PARN: variants seen among roughly 807,000 people sequenced by gnomAD.
PARN encodes the protein poly(A)-specific ribonuclease PARN.
PARN carries 71 observed loss-of-function variants against 102.8 expected under a neutral mutation model. The observed-to-expected ratio is 0.69, with a 90% CI of 0.57 to 0.84. PARN has a LOEUF of 0.84. Among genes scored for constraint, PARN ranks in the 40% least tolerant of loss-of-function variants. The pLI is 0.00. For missense variants in PARN, 782 were observed against 760.9 expected, an observed-to-expected ratio of 1.03 and a Z score of -0.33; for synonymous variants, 261 against 252.9, an observed-to-expected ratio of 1.03 and a Z score of -0.30.
intron 21 of PARN, among the ~76,000 whole-genome samples, chr16:14,493,855 T>G (rs1356064992): frequency 6.6e-6 from 1 of 152,206 alleles, no homozygotes; most frequent in South Asian, 2.1e-4. Context: ...GCCTGGTGTT[T>G]TTCTTTTTCT....
Position 14,586,374 on chromosome 16 carries a change from A to G in PARN, c.919-13T>C. On this transcript the variant is annotated splice_polypyrimidine_tract_variant and intron_variant, in intron 13 of 23. Coordinates refer to ENST00000437198, the MANE Select transcript of PARN (RefSeq NM_002582.4). Reference sequence around the variant, plus strand: ...ACTCACTTAAGTCCTAAAGAACAAGAGAAGGACTTGTTACAATTTTCCTAA... The same window carrying G: ...ACTCACTTAAGTCCTAAAGAACAAGGGAAGGACTTGTTACAATTTTCCTAA... 6.7e-7 allele frequency: 1 copy of G among 1,488,766 alleles called. No individual in the cohort carries two copies. Among genetic ancestry groups the G allele is most frequent in the South Asian group, 1.2e-5 (1 of 82,840 alleles). 92.2% of individuals were successfully genotyped at this position (1,488,766 alleles called of 1,614,324 possible).
At chr16:14,532,016 T>A (rs1467539994) in intron 21 of PARN, among the ~76,000 whole-genome samples, 2 of 152,088 alleles carry the variant, frequency 1.3e-5, no homozygotes. Context: ...TGAGCTATGA[T>A]CGCACTGCTG....
intron 2 of PARN, among the ~76,000 whole-genome samples, chr16:14,628,697 TGAAAACTCTTAGCTTCCTAGGG>T (rs1201022998): frequency 1.3e-5 from 2 of 152,234 alleles, no homozygotes; most frequent in African/African-American, 4.8e-5. Context: ...TTTCTCTAAG[TGAAAACTCTTAGCTTCCTAGGG>T]AAGTGATTCC....
intron 22 of PARN, among the ~76,000 whole-genome samples, chr16:14,475,872 TAAAGAAAAAG>T (rs1267567967): frequency 1.3e-5 from 2 of 152,144 alleles, no homozygotes; most frequent in East Asian, 1.9e-4. Flanking sequence ...AATAACAGTT[TAAAGAAAAAG>T]AAAGAAAATG....
In PARN at chr16:14,475,648, A is replaced by G. The variant is rs552932653; in HGVS notation, c.1670+6990T>C. ...AGCACTGCTAATAGCCACGTGTAGA[A>G]GCTCGACTGCTCTGACCAGCTCTGC... is the stretch of plus-strand genomic sequence containing the variant. On this transcript the variant is annotated intron_variant, in intron 22 of 23. Coordinates refer to ENST00000437198, the MANE Select transcript of PARN (RefSeq NM_002582.4). Among the ~76,000 whole-genome samples, 6 of 152,198 alleles carry G rather than the reference A, an allele frequency of 3.9e-5. No individual in the cohort carries two copies. In the East Asian group the frequency reaches 1.2e-3, roughly 29 times the overall value.
chr16:14,512,777 C>A (rs989680942), intron 21 of PARN, among the ~76,000 whole-genome samples: 1 of 152,116 alleles, frequency 6.6e-6, no homozygotes, highest in Non-Finnish European at 1.5e-5. Flanking sequence ...TTTATCCATA[C>A]GTTTCTACAG....
chr16:14,466,618 CCCA>C (rs1414372996), intron 22 of PARN, among the ~76,000 whole-genome samples: 1 of 152,218 alleles, frequency 6.6e-6, no homozygotes, highest in African/African-American at 2.4e-5. Context: ...ACAGATACCA[CCCA>C]CCCATTCCTT....
At chr16:14,508,061 T>C (rs1213252949) in intron 21 of PARN, among the ~76,000 whole-genome samples, 1 of 152,222 alleles carries the variant, frequency 6.6e-6, no homozygotes, top group East Asian at 1.9e-4. Context: ...TCTGGGTGAT[T>C]ATGTTTCATT....
rs147103967 is a variant in PARN, at chr16:14,463,483, A to G, written c.1671-16402T>C. Among the ~76,000 whole-genome samples, 1,412 of 152,304 alleles carry G rather than the reference A, an allele frequency of 9.3e-3. 6 individuals are homozygous for G. The highest frequency in any genetic ancestry group is 0.02 in the Middle Eastern group (6 of 294). On this transcript the variant is annotated intron_variant, in intron 22 of 23. Transcript: ENST00000437198. The stretch of plus-strand genomic sequence containing the variant: ...ACACAACCCACAATAACAGTAATCA[A>G]TGAACTGAAAGTGATGTGGAACTGA...
chr16:14,482,580 A>T, intron 22 of PARN, 58 bp downstream of exon 22: 7 of 1,357,882 alleles, frequency 5.2e-6, no homozygotes, highest in Non-Finnish European at 7.1e-6. Context: ...ATGAGAAGCA[A>T]CAAGAAAAGC....
At chr16:14,544,675 A>G (rs933780157) in intron 21 of PARN, among the ~76,000 whole-genome samples, 1 of 152,250 alleles carries the variant, frequency 6.6e-6, no homozygotes, top group Non-Finnish European at 1.5e-5. Context: ...TAAAAATAAT[A>G]GTATTACAAA....
chr16:14,463,843 G>GT (rs1374290725), intron 22 of PARN, among the ~76,000 whole-genome samples: 4 of 143,344 alleles, frequency 2.8e-5, no homozygotes, highest in Non-Finnish European at 4.6e-5. Context: ...TTTTTTGGGG[G>GT]GGGGGGGACG....
intron 21 of PARN, among the ~76,000 whole-genome samples, chr16:14,489,898 G>C (rs967741182): frequency 6.6e-6 from 1 of 152,242 alleles, no homozygotes; most frequent in African/African-American, 2.4e-5. Flanking sequence ...GCTGGACATG[G>C]TGGCTCATGC....
intron 21 of PARN, among the ~76,000 whole-genome samples, chr16:14,503,051 A>G (rs1964702837): frequency 6.6e-6 from 1 of 152,158 alleles, no homozygotes; most frequent in Admixed American, 6.5e-5. Flanking sequence ...CGGTAGAGAT[A>G]TTTCACCTTC....
intron 21 of PARN, among the ~76,000 whole-genome samples, chr16:14,489,511 C>G (rs1963944683): frequency 6.6e-6 from 1 of 151,676 alleles, no homozygotes; most frequent in South Asian, 2.1e-4. Context: ...AAGGCCATTT[C>G]CAATACAATC....
chr16:14,551,662 G>A lies in PARN; in HGVS notation c.1480+359C>T, dbSNP rs183970176. Among the ~76,000 whole-genome samples the A allele has an allele frequency of 2.0e-5, 3 of 152,238 alleles. No individual in the cohort carries two copies. In the East Asian group the frequency reaches 5.8e-4, roughly 29 times the overall value. On this transcript the variant is annotated intron_variant, in intron 21 of 23. Coordinates refer to ENST00000437198, the MANE Select transcript of PARN (RefSeq NM_002582.4). ...ATCTCAAATATGTATCAACAAATGG[G>A]GGGAAAGTACAGAGATGAACAGGTC... is the stretch of plus-strand genomic sequence containing the variant.
At chr16:14,513,293 A>G in intron 21 of PARN, among the ~76,000 whole-genome samples, 1 of 152,168 alleles carries the variant, frequency 6.6e-6, no homozygotes, top group East Asian at 1.9e-4. Flanking sequence ...CGTAATATAA[A>G]CTGCTCATAT....
intron 18 of PARN, among the ~76,000 whole-genome samples, chr16:14,575,314 A>G (rs1310909365): frequency 2.0e-5 from 3 of 152,196 alleles, no homozygotes; most frequent in Admixed American, 2.0e-4. Context: ...CAGACACTCA[A>G]TGCCAGCACA....
intron 18 of PARN, among the ~76,000 whole-genome samples, chr16:14,565,764 G>C (rs958980689): frequency 1.3e-5 from 2 of 152,184 alleles, no homozygotes; most frequent in South Asian, 2.1e-4. Flanking sequence ...CTTCTTAGTG[G>C]AGCACAGGCT....
Sources: gnomAD v4.1 joint callset for allele counts (sites outside exome capture counted in the v4.1 genomes callset) on GRCh38, gnomAD v4.1.1 for gene constraint, MANE v1.5 for transcripts, NCBI Gene and HGNC (gene_info 2026-07-23, HGNC 2026-07-21) for gene names.